ASIC2: variants seen among roughly 807,000 people sequenced by gnomAD.
The protein encoded by ASIC2 is acid sensing ion channel subunit 2, also known as acid-sensing ion channel 2.
ASIC2 carries 25 observed loss-of-function variants against 57.3 expected under a neutral mutation model. The observed-to-expected ratio is 0.44, with a 90% CI of 0.32 to 0.61. The LOEUF (loss-of-function observed/expected upper bound fraction) is 0.61. Among genes scored for constraint, ASIC2 ranks in the 20% least tolerant of loss-of-function variants. The pLI, the probability that ASIC2 is intolerant of heterozygous loss-of-function variation, is 0.06. For missense variants in ASIC2, 641 were observed against 738.1 expected (o/e 0.87, Z 1.52); for synonymous variants, 319 against 307.5 (o/e 1.04, Z -0.39).
intron 1 of ASIC2, among the ~76,000 whole-genome samples, chr17:33,790,693 C>T (rs750715381): frequency 1.9e-4 from 29 of 152,150 alleles, no homozygotes; most frequent in Non-Finnish European, 1.8e-4. Context: ...CACATACACA[C>T]ACACACATCT....
At chr17:33,064,643 G>T (rs2092035623) in intron 3 of ASIC2, among the ~76,000 whole-genome samples, 1 of 152,176 alleles carries the variant, frequency 6.6e-6, no homozygotes, top group Non-Finnish European at 1.5e-5. Flanking sequence ...GGGGGTCAGG[G>T]ACCCACTTGA....
chr17:34,039,697 T>C, intron 1 of ASIC2: 1 of 1,612,324 alleles, frequency 6.2e-7, no homozygotes, highest in Non-Finnish European at 8.5e-7. Flanking sequence ...ATTTCGCTGG[T>C]CATTCTGCTT....
chr17:33,952,002 T>G (rs1240744957), intron 1 of ASIC2, among the ~76,000 whole-genome samples: 1 of 152,324 alleles, frequency 6.6e-6, no homozygotes, highest in East Asian at 1.9e-4. Flanking sequence ...TGTGGAATTC[T>G]ATTAAATTGC....
chr17:33,488,819 C>T (rs1201416189), intron 1 of ASIC2, among the ~76,000 whole-genome samples: 1 of 152,172 alleles, frequency 6.6e-6, no homozygotes, highest in East Asian at 1.9e-4. Context: ...GGCCCTCCAG[C>T]CTTGCCCTTT....
At position 33,292,123 on chromosome 17, in the gene ASIC2, G is replaced by A. The variant is rs1905501440; in HGVS notation, c.-8C>T. Reference sequence around the variant, plus strand: ...TCCGCCAATCCGGCTCATTCATTCAGCCCGCGGCTGGCGGCAGCGGCGGCG... The same window carrying A: ...TCCGCCAATCCGGCTCATTCATTCAACCCGCGGCTGGCGGCAGCGGCGGCG... On this transcript the variant is annotated 5_prime_UTR_variant, in exon 1 of 10. Transcript: ENST00000225823. The A allele has an allele frequency of 9.6e-7, 1 of 1,039,384 alleles. No individual in the cohort carries two copies. The highest frequency in any genetic ancestry group is 1.2e-6 in the Non-Finnish European group (1 of 867,192). 64.4% of individuals were successfully genotyped at this position (1,039,384 alleles called of 1,614,324 possible).
chr17:34,115,207 T>G (rs1177655281), intron 1 of ASIC2, among the ~76,000 whole-genome samples: 1 of 152,224 alleles, frequency 6.6e-6, no homozygotes, highest in Non-Finnish European at 1.5e-5. Flanking sequence ...ATGTGCTACA[T>G]TAGCCAACTA....
intron 1 of ASIC2, among the ~76,000 whole-genome samples, chr17:33,382,816 A>G (rs1046760474): frequency 6.6e-6 from 1 of 152,214 alleles, no homozygotes; most frequent in Non-Finnish European, 1.5e-5. Context: ...TAGCAGCTTG[A>G]CAAGTGTTGT....
At chr17:33,451,579 A>C (rs1032436130) in intron 1 of ASIC2, among the ~76,000 whole-genome samples, 1 of 152,154 alleles carries the variant, frequency 6.6e-6, no homozygotes, top group African/African-American at 2.4e-5. Flanking sequence ...AAAACCAACT[A>C]TCCAGTCCTG....
intron 1 of ASIC2, among the ~76,000 whole-genome samples, chr17:33,378,663 A>T (rs1277288270): frequency 6.6e-6 from 1 of 152,242 alleles, no homozygotes. Context: ...GATTTTAAAG[A>T]TGCCAGTGAT....
At chr17:33,087,536 T>TA (rs1567739718) in intron 3 of ASIC2, among the ~76,000 whole-genome samples, 1 of 148,808 alleles carries the variant, frequency 6.7e-6, no homozygotes, top group Non-Finnish European at 1.5e-5. Context: ...TCCCAGAGAG[T>TA]AAAAAACAAT....
intron 1 of ASIC2, among the ~76,000 whole-genome samples, chr17:33,516,407 A>AGTGTGTGAGAGT (rs56689100): frequency 6.7e-6 from 1 of 148,236 alleles, no homozygotes; most frequent in Non-Finnish European, 1.5e-5. Context: ...TGTGAGTGTG[A>AGTGTGTGAGAGT]GTGTGTGTGT....
intron 1 of ASIC2, among the ~76,000 whole-genome samples, chr17:33,883,869 A>G (rs911171308): frequency 6.7e-6 from 1 of 149,232 alleles, no homozygotes; most frequent in African/African-American, 2.5e-5. Context: ...ACTGTGCACT[A>G]TCTTGCAACA....
chr17:33,373,569 T>C (rs889183908), intron 1 of ASIC2, among the ~76,000 whole-genome samples: 1 of 152,234 alleles, frequency 6.6e-6, no homozygotes, highest in African/African-American at 2.4e-5. Flanking sequence ...TAGATGCAGT[T>C]TCTATAATCC....
At position 33,908,526 on chromosome 17, in the gene ASIC2, T is replaced by C. The variant is rs553212248; in HGVS notation, c.555+247452A>G. 3.9e-5 allele frequency among the ~76,000 whole-genome samples: 6 copies of C among 152,322 alleles called. No individual in the cohort carries two copies. In the South Asian group the frequency reaches 1.2e-3, roughly 32 times the overall value. Reference sequence around the variant, plus strand: ...ATCAAGAAAGCATAACTAACTCCATTGATAACAGCGTCTCAGTTCCTGATT... The same window carrying C: ...ATCAAGAAAGCATAACTAACTCCATCGATAACAGCGTCTCAGTTCCTGATT... On this transcript the variant is annotated intron_variant, in intron 1 of 9. Transcript: ENST00000359872.
rs141410395 is a variant in ASIC2, at chr17:33,136,128, C to T, written c.709-24061G>A. On this transcript the variant is annotated intron_variant, in intron 1 of 9. Transcript: ENST00000225823. ...GCTTGTGCATGTGTTCCCGTGTGCA[C>T]GTGTGTTTGCATACATGTACTGGGG... is the stretch of plus-strand genomic sequence containing the variant. Among the ~76,000 whole-genome samples the T allele has an allele frequency of 2.3e-3, 357 of 152,250 alleles. 2 individuals are homozygous for T. Among genetic ancestry groups the T allele is most frequent in the African/African-American group, 8.2e-3 (340 of 41,532 alleles).
At chr17:33,262,500 T>C (rs1480467854) in intron 1 of ASIC2, among the ~76,000 whole-genome samples, 1 of 151,808 alleles carries the variant, frequency 6.6e-6, no homozygotes, top group East Asian at 1.9e-4. Context: ...AGGATGAATA[T>C]ATAGTCTGTA....
At chr17:33,752,528 A>T (rs1361916206) in intron 1 of ASIC2, among the ~76,000 whole-genome samples, 2 of 152,254 alleles carry the variant, frequency 1.3e-5, no homozygotes, top group African/African-American at 2.4e-5. Flanking sequence ...CAACATAAGC[A>T]ACCCAATTAA....
intron 1 of ASIC2, among the ~76,000 whole-genome samples, chr17:34,082,668 AC>A (rs1909933981): frequency 6.6e-6 from 1 of 152,242 alleles, no homozygotes; most frequent in Non-Finnish European, 1.5e-5. Flanking sequence ...CACTTACTGA[AC>A]ACTTGCTATG....
intron 1 of ASIC2, among the ~76,000 whole-genome samples, chr17:33,213,186 G>A (rs531537534): frequency 2.6e-4 from 40 of 152,320 alleles, no homozygotes; most frequent in African/African-American, 8.4e-4. Context: ...ACAGGGGGAA[G>A]CTCCAATGCA....
Sources: allele counts gnomAD v4.1 joint callset (sites outside exome capture counted in the v4.1 genomes callset), GRCh38; gene constraint gnomAD v4.1.1; transcripts MANE v1.5; gene names NCBI Gene and HGNC (gene_info 2026-07-23, HGNC 2026-07-21).